KAZN: variants seen among roughly 807,000 people sequenced by gnomAD.
The protein encoded by KAZN is kazrin.
KAZN carries 40 observed loss-of-function variants against 87.4 expected under a neutral mutation model. The observed-to-expected ratio is 0.46, with a 90% CI of 0.36 to 0.60. The LOEUF (loss-of-function observed/expected upper bound fraction) is 0.60. KAZN is among the 20% of genes least tolerant of loss of function. KAZN has a pLI of 0.00. For missense variants in KAZN, 898 were observed against 1,073.9 expected, an observed-to-expected ratio of 0.84 and a Z score of 2.29; for synonymous variants, 466 against 458.3, an observed-to-expected ratio of 1.02 and a Z score of -0.22.
intron 1 of KAZN, among the ~76,000 whole-genome samples, chr1:14,758,857 G>T (rs1644652077): frequency 6.6e-6 from 1 of 151,636 alleles, no homozygotes; most frequent in South Asian, 2.1e-4. Context: ...CTTTGCATGG[G>T]TTACTCTTCT....
chr1:14,439,821 C>T (rs185242549), intron 2 of KAZN, among the ~76,000 whole-genome samples: 4 of 152,284 alleles, frequency 2.6e-5, no homozygotes, highest in East Asian at 1.9e-4. Context: ...ACATCACCAA[C>T]GCTGACCTCT....
At chr1:14,601,527 C>T (rs557528488) in intron 1 of KAZN, among the ~76,000 whole-genome samples, 1 of 152,124 alleles carries the variant, frequency 6.6e-6, no homozygotes, top group South Asian at 2.1e-4. Context: ...CAGAAACCCT[C>T]TGCAGAGGTG....
chr1:14,901,512 T>C (rs1168400607), intron 1 of KAZN, among the ~76,000 whole-genome samples: 1 of 151,528 alleles, frequency 6.6e-6, no homozygotes, highest in Non-Finnish European at 1.5e-5. Context: ...AGTCTGGCTG[T>C]TGGGTGGAGA....
At chr1:14,134,795 TTTA>T (rs1645068950) in intron 1 of KAZN, among the ~76,000 whole-genome samples, 1 of 152,130 alleles carries the variant, frequency 6.6e-6, no homozygotes, top group African/African-American at 2.4e-5. Context: ...TTTTCTCTGC[TTTA>T]TTATTATTAA....
rs1662970384 is a variant in KAZN, at chr1:14,955,406, G to T, written c.227-5278G>T. Among the ~76,000 whole-genome samples the T allele has an allele frequency of 2.0e-5, 3 of 152,364 alleles. No homozygotes were observed. In the South Asian group the frequency reaches 6.2e-4, roughly 32 times the overall value. On this transcript the variant is annotated intron_variant, in intron 1 of 14. Coordinates refer to ENST00000376030, the MANE Select transcript of KAZN (RefSeq NM_201628.3). ...GGTGAATTGAGAGGCTGTGCTCTTG[G>T]AGCTTAGGCTGAGATTGCAGTACCA... is the stretch of plus-strand genomic sequence containing the variant.
intron 1 of KAZN, among the ~76,000 whole-genome samples, chr1:14,689,537 T>G (rs1023919630): frequency 6.6e-6 from 1 of 152,008 alleles, no homozygotes; most frequent in Non-Finnish European, 1.5e-5. Context: ...GGTTGCAAGA[T>G]GAAGTGTAAG....
At chr1:14,800,078 G>A (rs1418623788) in intron 1 of KAZN, among the ~76,000 whole-genome samples, 1 of 152,098 alleles carries the variant, frequency 6.6e-6, no homozygotes, top group East Asian at 1.9e-4. Context: ...TGGGATGGCA[G>A]GTCCATGATG....
Position 14,965,880 on chromosome 1 carries a change from A to G in KAZN, c.418+5005A>G, listed in dbSNP as rs141239228. ...TATTAATGTTTTCAAAATTAAAACT[A>G]GAAAAAATATGTAAATCTTTAGTAA... On this transcript the variant is annotated intron_variant, in intron 2 of 14. Transcript: ENST00000376030. Among the ~76,000 whole-genome samples the G allele has an allele frequency of 3.5e-3, 539 of 152,312 alleles. 5 individuals are homozygous for G. The highest frequency in any genetic ancestry group is 6.0e-3 in the Non-Finnish European group (407 of 68,032).
Position 15,099,009 on chromosome 1 carries a change from G to A in KAZN, c.1548-2534G>A, listed in dbSNP as rs573039874. Among the ~76,000 whole-genome samples, 22 of 152,348 alleles carry A rather than the reference G, an allele frequency of 1.4e-4. No homozygotes were observed. In the South Asian group the frequency reaches 4.6e-3, roughly 32 times the overall value. On this transcript the variant is annotated intron_variant, in intron 10 of 14. Coordinates refer to ENST00000376030, the MANE Select transcript of KAZN (RefSeq NM_201628.3). This position sits in a 1 kb window ranked among gnomAD's most constrained non-coding sequence, Gnocchi z 5.4. ...ACTGGTGCAGAGATGGGGACTTCCA[G>A]GGGCTTTGGACACAGAGAAGGGCTC...
intron 2 of KAZN, among the ~76,000 whole-genome samples, chr1:14,533,682 TCTC>T (rs1672332260): frequency 6.6e-6 from 1 of 151,944 alleles, no homozygotes; most frequent in South Asian, 2.1e-4. Flanking sequence ...CCACCCCACA[TCTC>T]CTGTGTCCAC....
chr1:13,922,387 A>G (rs75770953), intron 1 of KAZN, among the ~76,000 whole-genome samples: 4,120 of 152,284 alleles, frequency 0.027, 185 homozygotes, highest in African/African-American at 0.094. Context: ...TTTTGAATCA[A>G]TGAAGGGACT....
At chr1:14,869,847 C>A (rs900755934) in intron 1 of KAZN, among the ~76,000 whole-genome samples, 12 of 152,186 alleles carry the variant, frequency 7.9e-5, no homozygotes, top group African/African-American at 2.9e-4. Context: ...CTGGAAAAAT[C>A]CAGTGTTATT....
chr1:14,013,312 T>C (rs948672410), intron 1 of KAZN, among the ~76,000 whole-genome samples: 1 of 152,358 alleles, frequency 6.6e-6, no homozygotes, highest in South Asian at 2.1e-4. Context: ...GGAACAAAGT[T>C]GTTCCTCGAT....
At chr1:15,023,822 A>G (rs1386938498) in intron 2 of KAZN, among the ~76,000 whole-genome samples, 1 of 151,392 alleles carries the variant, frequency 6.6e-6, no homozygotes, top group East Asian at 2.0e-4. Flanking sequence ...GAGGAGTGGT[A>G]AAAAGGGCCC....
intron 2 of KAZN, among the ~76,000 whole-genome samples, chr1:14,324,265 T>G (rs2100848370): frequency 6.6e-6 from 1 of 152,314 alleles, no homozygotes; most frequent in South Asian, 2.1e-4. Context: ...TATTGTAGGC[T>G]TGGGTTATGG....
intron 2 of KAZN, among the ~76,000 whole-genome samples, chr1:14,458,067 C>T (rs532072098): frequency 1.3e-5 from 2 of 152,278 alleles, no homozygotes; most frequent in South Asian, 4.1e-4. Context: ...CATGATCCCC[C>T]TGCCTTGGCC....
At chr1:13,966,094 C>T (rs2101037077) in intron 1 of KAZN, among the ~76,000 whole-genome samples, 1 of 152,276 alleles carries the variant, frequency 6.6e-6, no homozygotes, top group East Asian at 1.9e-4. Context: ...GGCCTGAGCT[C>T]TCCTAAGCCT....
intron 2 of KAZN, among the ~76,000 whole-genome samples, chr1:14,334,439 C>G (rs112654169): frequency 0.014 from 2,064 of 148,502 alleles, 45 homozygotes; most frequent in African/African-American, 0.049. Flanking sequence ...GCGTGGCCAT[C>G]ACAAGGACTT....
At chr1:14,402,002 T>C (rs1363998992) in intron 2 of KAZN, among the ~76,000 whole-genome samples, 1 of 151,682 alleles carries the variant, frequency 6.6e-6, no homozygotes, top group Non-Finnish European at 1.5e-5. Flanking sequence ...TTTTTGTTAA[T>C]ATAATACAAG....
Sources: allele counts gnomAD v4.1 joint callset (sites outside exome capture counted in the v4.1 genomes callset), GRCh38; gene constraint gnomAD v4.1.1; non-coding constraint Gnocchi (gnomAD v3.1); transcripts MANE v1.5; gene names NCBI Gene and HGNC (gene_info 2026-07-23, HGNC 2026-07-21).